CLHC1: variants seen among roughly 807,000 people sequenced by gnomAD.
CLHC1 encodes clathrin heavy chain linker domain containing 1.
In CLHC1, 72 loss-of-function variants were observed where a neutral mutation model predicts 69.5. That is an observed-to-expected ratio of 1.04 (90% CI 0.86 to 1.26). CLHC1 has a LOEUF of 1.26. Among genes scored for constraint, CLHC1 ranks in the 50% most tolerant of loss-of-function variants. CLHC1 has a pLI of 0.00. For synonymous variants in CLHC1, 223 were observed against 224.3 expected, an observed-to-expected ratio of 0.99 and a Z score of 0.05; for missense variants, 790 against 679.3, an observed-to-expected ratio of 1.16 and a Z score of -1.81.
chr2:55,186,969 A>G (rs1211352425), intron 9 of CLHC1, among the ~76,000 whole-genome samples: 2 of 152,044 alleles, frequency 1.3e-5, no homozygotes, highest in Non-Finnish European at 2.9e-5. Context: ...GAGAAACTAT[A>G]TATTTAAAAA....
At chr2:55,224,797 A>G (rs1245978087) in intron 2 of CLHC1, 1 of 315,622 alleles carries the variant, frequency 3.2e-6, no homozygotes, top group Admixed American at 3.8e-5. Context: ...GACTTGGAGT[A>G]AAGCTCCGTC....
In CLHC1 at chr2:55,212,821, G is replaced by C. The variant is rs1265921219; in HGVS notation, c.366-15C>G. 10 of 1,583,766 alleles carry C rather than the reference G, an allele frequency of 6.3e-6. No individual in the cohort carries two copies. The highest frequency in any genetic ancestry group is 2.2e-5 in the East Asian group (1 of 44,630). Reference sequence around the variant, plus strand: ...TAATCCTCATTCTGGAAAACAGAAAGGCTTTCTTATGTCTTTCAACTAACT... The same window carrying C: ...TAATCCTCATTCTGGAAAACAGAAACGCTTTCTTATGTCTTTCAACTAACT... On this transcript the variant is annotated splice_polypyrimidine_tract_variant and intron_variant, in intron 4 of 12. Transcript: ENST00000401408.
At chr2:55,212,539 A>C (rs1673107894) in intron 5 of CLHC1, 134 bp downstream of exon 5, 2 of 699,722 alleles carry the variant, frequency 2.9e-6, no homozygotes, top group Non-Finnish European at 4.8e-6. Flanking sequence ...TACAGTCCTG[A>C]CTAAAATTAT....
At chr2:55,184,102 C>CTTTCTTTT (rs1553343084) in intron 9 of CLHC1, among the ~76,000 whole-genome samples, 1 of 10,910 alleles carries the variant, frequency 9.2e-5, no homozygotes. Context: ...TTCTTTCTTT[C>CTTTCTTTT]TTTATTTTTT....
intron 11 of CLHC1, 72 bp from the exon 12 acceptor site, chr2:55,177,853 A>G (rs1178106568): frequency 9.0e-7 from 1 of 1,111,574 alleles, no homozygotes; most frequent in African/African-American, 1.6e-5. Context: ...AGGACTAGCT[A>G]ATGTCTATAC....
rs1397243266 is a variant in CLHC1 at position 55,173,826 on chromosome 2, GAGA to G, written c.*1961_*1963del. Among the ~76,000 whole-genome samples, 1 of 152,120 alleles carries G rather than the reference GAGA, an allele frequency of 6.6e-6. No homozygotes were observed. The highest frequency in any genetic ancestry group is 2.4e-5 in the African/African-American group (1 of 41,406). ...AAAGCTGCCAAAGGCAATGCTAACT[GAGA>G]AGGAGTAATAATGAGAAAAGGAAAA... On this transcript the variant is annotated 3_prime_UTR_variant, in exon 13 of 13. Coordinates refer to ENST00000401408, the MANE Select transcript of CLHC1 (RefSeq NM_152385.4).
chr2:55,221,276 G>A (rs915203510), intron 3 of CLHC1, among the ~76,000 whole-genome samples: 6 of 152,046 alleles, frequency 3.9e-5, no homozygotes, highest in African/African-American at 1.4e-4. Flanking sequence ...CGGGGATGGG[G>A]TGGAAAAAAA....
At chr2:55,231,189 A>G (rs12619400) in intron 1 of CLHC1, among the ~76,000 whole-genome samples, 58,201 of 150,938 alleles carry the variant, frequency 0.39, 12,496 homozygotes, top group East Asian at 0.53. Context: ...GGCGGAGTTT[A>G]CAGTGAGCCG....
At chr2:55,230,928 A>C (rs1675256624) in intron 1 of CLHC1, among the ~76,000 whole-genome samples, 1 of 152,188 alleles carries the variant, frequency 6.6e-6, no homozygotes, top group African/African-American at 2.4e-5. Context: ...TTTGTTGTAG[A>C]GACTAGTTGG....
chr2:55,207,933 G>C (rs918971661), intron 8 of CLHC1, among the ~76,000 whole-genome samples: 1 of 152,102 alleles, frequency 6.6e-6, no homozygotes, highest in African/African-American at 2.4e-5. Context: ...TTGATAAAAA[G>C]TAAACAAAGT....
At position 55,179,645 on chromosome 2, in the gene CLHC1, G is replaced by T. The variant is rs79693888; in HGVS notation, c.1384+865C>A. Among the ~76,000 whole-genome samples, 11 of 152,130 alleles carry T rather than the reference G, an allele frequency of 7.2e-5. No homozygotes were observed. The East Asian group carries it at 2.1e-3, about 29-fold the overall frequency. ...AAATCAGGACAGGCACTGGCCTGGG[G>T]GATGGGGAGATGTCAGCAATGCCTG... On this transcript the variant is annotated intron_variant, in intron 11 of 12. Coordinates refer to ENST00000401408, the MANE Select transcript of CLHC1 (RefSeq NM_152385.4).
At chr2:55,222,976 C>G (rs62135101) in intron 2 of CLHC1, among the ~76,000 whole-genome samples, 1 of 149,500 alleles carries the variant, frequency 6.7e-6, no homozygotes, top group Non-Finnish European at 1.5e-5. Flanking sequence ...TGCTGCTGCT[C>G]TGGGACAGAA....
At chr2:55,225,019 G>C (rs1281209683) in intron 2 of CLHC1, 1 of 157,296 alleles carries the variant, frequency 6.4e-6, no homozygotes, top group African/African-American at 2.4e-5. Context: ...CACAGGCCCA[G>C]GGAGCTGTGC....
At chr2:55,215,520 G>C (rs139345842) in intron 4 of CLHC1, among the ~76,000 whole-genome samples, 110 of 152,154 alleles carry the variant, frequency 7.2e-4, no homozygotes, top group African/African-American at 2.7e-3. Flanking sequence ...AGAACATTTC[G>C]TTGGCCCCAG....
At chr2:55,209,568 GA>G (rs1349335309) in intron 6 of CLHC1, 52 bp from the exon 7 acceptor site, 12 of 1,577,080 alleles carry the variant, frequency 7.6e-6, no homozygotes, top group Non-Finnish European at 9.6e-6. Context: ...TCAAATGGTG[GA>G]ATATTAGAAT....
At chr2:55,205,497 A>T (rs78591924) in intron 9 of CLHC1, among the ~76,000 whole-genome samples, 2,313 of 152,222 alleles carry the variant, frequency 0.015, 59 homozygotes, top group African/African-American at 0.053. Flanking sequence ...TAAGTAAAAT[A>T]AATTAGGGCG....
chr2:55,217,009 C>T (rs966050566), intron 4 of CLHC1, among the ~76,000 whole-genome samples: 2 of 151,162 alleles, frequency 1.3e-5, no homozygotes, highest in African/African-American at 2.4e-5. Context: ...ATTAGTCTGA[C>T]ATAGCAAAAC....
chr2:55,220,938 T>C (rs548118350), intron 3 of CLHC1, among the ~76,000 whole-genome samples: 8 of 152,322 alleles, frequency 5.3e-5, no homozygotes, highest in South Asian at 4.1e-4. Flanking sequence ...TTCTAAAGGA[T>C]AGATTTTCTG....
rs1669317347 is a variant in CLHC1 at position 55,175,656 on chromosome 2, A to T, written c.*134T>A. 3.3e-6 allele frequency: 2 copies of T among 610,348 alleles called. No individual in the cohort carries two copies. The highest frequency in any genetic ancestry group is 5.7e-6 in the Non-Finnish European group (2 of 350,982). The allele number at this position is 610,348 out of a possible 1,614,324, so 37.8% of individuals were successfully genotyped here. A position where few individuals can be genotyped will look rare whatever the true frequency, so the allele number is the denominator to read the frequency against. ...CAAAGACAAATCTAAATGTCATCAT[A>T]ACAAAAGTGTGATTTATTTCTGAGA... On this transcript the variant is annotated 3_prime_UTR_variant, in exon 13 of 13. Coordinates refer to ENST00000401408, the MANE Select transcript of CLHC1 (RefSeq NM_152385.4).
Sources: allele counts gnomAD v4.1 joint callset (sites outside exome capture counted in the v4.1 genomes callset), GRCh38; gene constraint gnomAD v4.1.1; transcripts MANE v1.5; gene names NCBI Gene and HGNC (gene_info 2026-07-23, HGNC 2026-07-21).